EXOC4: variants seen among roughly 807,000 people sequenced by gnomAD.
The protein encoded by EXOC4 is exocyst complex component 4, also known as SEC8-like 1.
EXOC4 carries 71 observed loss-of-function variants against 107.2 expected under a neutral mutation model. The ratio of observed to expected loss-of-function variants is 0.66; its 90% CI spans 0.55 to 0.81. The LOEUF is 0.81. EXOC4 is among the 30% of genes least tolerant of loss of function. The probability of loss-of-function intolerance (pLI) is 0.00; values close to 1 mark genes in which losing one functional copy is unlikely to be tolerated. For synonymous variants in EXOC4, 456 were observed against 441.2 expected (o/e 1.03, Z -0.42); for missense variants, 1,108 against 1,189.6 (o/e 0.93, Z 1.01).
chr7:133,854,415 C>CAA (rs1258293370), intron 11 of EXOC4, among the ~76,000 whole-genome samples: 1 of 144,698 alleles, frequency 6.9e-6, no homozygotes. Context: ...AGAGCACACA[C>CAA]ACACACACAC....
chr7:133,965,987 C>T (rs1316010680), intron 14 of EXOC4, among the ~76,000 whole-genome samples: 1 of 152,106 alleles, frequency 6.6e-6, no homozygotes, highest in East Asian at 1.9e-4. Context: ...TGTTTGTGTC[C>T]TCTCTTATTT....
intron 10 of EXOC4, among the ~76,000 whole-genome samples, chr7:133,806,403 T>C (rs1217152181): frequency 6.6e-6 from 1 of 152,170 alleles, no homozygotes; most frequent in East Asian, 1.9e-4. Flanking sequence ...AGGACATCAT[T>C]TGAAAGTATC....
At chr7:133,662,428 C>G (rs1793714570) in intron 10 of EXOC4, among the ~76,000 whole-genome samples, 1 of 152,066 alleles carries the variant, frequency 6.6e-6, no homozygotes, top group African/African-American at 2.4e-5. Flanking sequence ...GGGAAATTAT[C>G]AGATATAGAG....
intron 10 of EXOC4, among the ~76,000 whole-genome samples, chr7:133,775,999 A>G (rs1211073407): frequency 6.6e-6 from 1 of 152,170 alleles, no homozygotes; most frequent in African/African-American, 2.4e-5. Flanking sequence ...TAGACTTAAG[A>G]TTTATTGGGC....
intron 17 of EXOC4, among the ~76,000 whole-genome samples, chr7:134,032,144 T>C (rs1160956061): frequency 1.3e-5 from 2 of 152,232 alleles, no homozygotes; most frequent in Non-Finnish European, 2.9e-5. Flanking sequence ...GAAAGAGGCC[T>C]CTTGTCATAG....
chr7:133,600,600 A>G (rs1801783718), intron 9 of EXOC4, among the ~76,000 whole-genome samples: 1 of 152,200 alleles, frequency 6.6e-6, no homozygotes. Context: ...AAAATAATTC[A>G]GCATTTACAT....
At chr7:133,909,503 C>G (rs996422401) in intron 12 of EXOC4, among the ~76,000 whole-genome samples, 1 of 152,130 alleles carries the variant, frequency 6.6e-6, no homozygotes, top group Admixed American at 6.6e-5. Context: ...AGGAGCAAGT[C>G]CGAAGATGGG....
Position 133,861,563 on chromosome 7 carries a change from C to T in EXOC4, c.1735-34036C>T, listed in dbSNP as rs536549489. 4.3e-4 allele frequency among the ~76,000 whole-genome samples: 65 copies of T among 152,266 alleles called. No homozygotes were observed. In the South Asian group the frequency reaches 0.012, roughly 27 times the overall value. On this transcript the variant is annotated intron_variant, in intron 11 of 17. Coordinates refer to ENST00000253861, the MANE Select transcript of EXOC4 (RefSeq NM_021807.4). ...TTGTTTTGTTTTTTTGTGACAGAGT[C>T]TCCCTCTTTCATCCAGGCTGGAGTG...
intron 5 of EXOC4, among the ~76,000 whole-genome samples, chr7:133,340,861 G>T (rs1427749736): frequency 6.6e-6 from 1 of 151,950 alleles, no homozygotes; most frequent in Non-Finnish European, 1.5e-5. Context: ...TTTGGTATTG[G>T]TTGTAATATC....
chr7:133,658,696 G>T (rs1370040479), intron 10 of EXOC4, among the ~76,000 whole-genome samples: 1 of 152,188 alleles, frequency 6.6e-6, no homozygotes, highest in Admixed American at 6.5e-5. Context: ...GATGTGTGGG[G>T]TGGATGTGTG....
chr7:133,261,756 A>G lies in EXOC4; in HGVS notation c.86+8569A>G, dbSNP rs181689395. Among the ~76,000 whole-genome samples the G allele has an allele frequency of 1.8e-3, 277 of 152,290 alleles. 1 individual carries two copies. Among genetic ancestry groups the G allele is most frequent in the African/African-American group, 6.3e-3 (260 of 41,558 alleles). On this transcript the variant is annotated intron_variant, in intron 1 of 17. Coordinates refer to ENST00000253861, the MANE Select transcript of EXOC4 (RefSeq NM_021807.4). ...CTAAGTTTGTCTCACTACTGTGACA[A>G]AATTCTTTTGAGTATTCCACTCAGT...
chr7:133,797,533 C>T (rs995652290), intron 10 of EXOC4, among the ~76,000 whole-genome samples: 1 of 151,932 alleles, frequency 6.6e-6, no homozygotes, highest in Non-Finnish European at 1.5e-5. Flanking sequence ...TTCCTGGGAC[C>T]GCTAGAGGTC....
chr7:133,681,509 T>C (rs1431419836), intron 10 of EXOC4, among the ~76,000 whole-genome samples: 1 of 152,202 alleles, frequency 6.6e-6, no homozygotes, highest in Non-Finnish European at 1.5e-5. Context: ...AGCAAATTCC[T>C]TAGTCACTGG....
chr7:134,088,315 C>G, the EXOC4 span, among the ~76,000 whole-genome samples: 1 of 152,070 alleles, frequency 6.6e-6, no homozygotes, highest in Non-Finnish European at 1.5e-5. Context: ...ATGCAAATAA[C>G]TATATTGCCA....
intron 12 of EXOC4, among the ~76,000 whole-genome samples, chr7:133,902,903 T>C (rs1394831372): frequency 6.6e-6 from 1 of 150,480 alleles, no homozygotes; most frequent in African/African-American, 2.4e-5. Flanking sequence ...GTAAGTACTG[T>C]GGAGAAAAGA....
At chr7:133,725,138 A>C (rs1795187211) in intron 10 of EXOC4, among the ~76,000 whole-genome samples, 1 of 152,208 alleles carries the variant, frequency 6.6e-6, no homozygotes, top group Non-Finnish European at 1.5e-5. Flanking sequence ...TTGCCAATGC[A>C]CCTGAGGAAC....
At chr7:134,060,377 T>C (rs572907526) in intron 17 of EXOC4, among the ~76,000 whole-genome samples, 115 of 152,316 alleles carry the variant, frequency 7.6e-4, no homozygotes, top group Non-Finnish European at 1.2e-3. Context: ...CTGAATATTG[T>C]AGGCTATGAA....
At chr7:133,825,953 C>T (rs183363662) in intron 11 of EXOC4, among the ~76,000 whole-genome samples, 51 of 152,218 alleles carry the variant, frequency 3.4e-4, no homozygotes, top group Non-Finnish European at 6.6e-4. Context: ...CAGTATTTAT[C>T]GATACCTAAA....
intron 7 of EXOC4, among the ~76,000 whole-genome samples, chr7:133,424,805 C>G (rs1290219198): frequency 6.6e-6 from 1 of 152,122 alleles, no homozygotes; most frequent in Non-Finnish European, 1.5e-5. Context: ...CAGAGAGAAG[C>G]TAAACTTAAG....
Sources: gnomAD v4.1 joint callset for allele counts (sites outside exome capture counted in the v4.1 genomes callset) on GRCh38, gnomAD v4.1.1 for gene constraint, MANE v1.5 for transcripts, NCBI Gene and HGNC (gene_info 2026-07-23, HGNC 2026-07-21) for gene names.